Variants in MB21D2 observed in about 807,000 individuals in gnomAD.
MB21D2 encodes Mab-21 domain containing 2, also known as nucleotidyltransferase MB21D2.
A neutral mutation model predicts 33.3 loss-of-function variants in MB21D2; 9 were observed. The observed-to-expected ratio is 0.27, with a 90% CI of 0.16 to 0.47. The LOEUF is 0.47. Ranked by LOEUF, MB21D2 falls within the 20% of genes least tolerant of loss-of-function variation. The pLI, the probability that MB21D2 is intolerant of heterozygous loss-of-function variation, is 0.99. For missense variants in MB21D2, 540 were observed against 624.6 expected, an observed-to-expected ratio of 0.86 and a Z score of 1.44; for synonymous variants, 241 against 236.3, an observed-to-expected ratio of 1.02 and a Z score of -0.18.
At chr3:192,896,685 C>T (rs1159305461) in intron 1 of MB21D2, among the ~76,000 whole-genome samples, 4 of 152,216 alleles carry the variant, frequency 2.6e-5, no homozygotes, top group South Asian at 2.1e-4. Context: ...CCCCTACTGG[C>T]CCAGTATCTT....
At chr3:192,845,715 A>G (rs2108627242) in intron 1 of MB21D2, among the ~76,000 whole-genome samples, 1 of 152,322 alleles carries the variant, frequency 6.6e-6, no homozygotes, top group Non-Finnish European at 1.5e-5. Context: ...CCTCCACCAG[A>G]GGCTCAGAAA....
At chr3:192,823,891 A>G (rs570830421) in intron 1 of MB21D2, among the ~76,000 whole-genome samples, 2 of 152,338 alleles carry the variant, frequency 1.3e-5, no homozygotes, top group East Asian at 3.9e-4. Flanking sequence ...ATGCCAAAAC[A>G]TAGCAGAAAT....
At chr3:192,853,912 T>C (rs1712861906) in intron 1 of MB21D2, among the ~76,000 whole-genome samples, 1 of 152,222 alleles carries the variant, frequency 6.6e-6, no homozygotes, top group South Asian at 2.1e-4. Context: ...GTTACTATTG[T>C]AATTGTCTTG....
chr3:192,878,007 A>G (rs1220692110), intron 1 of MB21D2, among the ~76,000 whole-genome samples: 1 of 150,170 alleles, frequency 6.7e-6, no homozygotes, highest in East Asian at 2.0e-4. Context: ...AAACACTGAG[A>G]GGCAGCAACG....
At chr3:192,869,266 A>AAAGGAAGG (rs1203888925) in intron 1 of MB21D2, among the ~76,000 whole-genome samples, 1 of 116,878 alleles carries the variant, frequency 8.6e-6, no homozygotes, top group Non-Finnish European at 1.7e-5. Context: ...AAAAAAAAAG[A>AAAGGAAGG]AAGGAAGGAA....
chr3:192,904,936 G>C (rs375712248), intron 1 of MB21D2, among the ~76,000 whole-genome samples: 1 of 152,186 alleles, frequency 6.6e-6, no homozygotes, highest in East Asian at 1.9e-4. Flanking sequence ...TTCTCACAAC[G>C]GGGTAATGAG....
At chr3:192,862,310 T>G (rs759583026) in intron 1 of MB21D2, among the ~76,000 whole-genome samples, 3 of 152,226 alleles carry the variant, frequency 2.0e-5, no homozygotes, top group Non-Finnish European at 4.4e-5. Context: ...GAGCACCATC[T>G]TAAAACCTTA....
chr3:192,800,703 C>T (rs937919142), intron 1 of MB21D2, among the ~76,000 whole-genome samples: 1 of 152,184 alleles, frequency 6.6e-6, no homozygotes, highest in African/African-American at 2.4e-5. Context: ...GGAAATCTGT[C>T]TTCAGGAAAA....
chr3:192,804,522 TAA>T (rs1711623450), intron 1 of MB21D2, among the ~76,000 whole-genome samples: 1 of 151,974 alleles, frequency 6.6e-6, no homozygotes, highest in Admixed American at 6.6e-5. Context: ...GTCTTATAAT[TAA>T]AGTTACAAAA....
chr3:192,849,506 C>A (rs1189959387), intron 1 of MB21D2, among the ~76,000 whole-genome samples: 1 of 152,058 alleles, frequency 6.6e-6, no homozygotes. Flanking sequence ...TTAGTAGAGA[C>A]AGGGTTTCAC....
chr3:192,804,028 G>C (rs958695597), intron 1 of MB21D2, among the ~76,000 whole-genome samples: 3 of 152,114 alleles, frequency 2.0e-5, no homozygotes, highest in Non-Finnish European at 2.9e-5. Flanking sequence ...GTAATTCACT[G>C]TTTCTTGGTT....
At chr3:192,840,388 T>TATGACAAAGACTTTTTTCTC (rs1712539599) in intron 1 of MB21D2, among the ~76,000 whole-genome samples, 1 of 150,766 alleles carries the variant, frequency 6.6e-6, no homozygotes, top group South Asian at 2.1e-4. Context: ...TGCTTGGGAG[T>TATGACAAAGACTTTTTTCTC]ATGACAAAGA....
chr3:192,825,289 T>C (rs1712151116), intron 1 of MB21D2, among the ~76,000 whole-genome samples: 1 of 152,146 alleles, frequency 6.6e-6, no homozygotes, highest in Non-Finnish European at 1.5e-5. Context: ...GCTGAATGAA[T>C]GAGTAAATTA....
intron 1 of MB21D2, among the ~76,000 whole-genome samples, chr3:192,888,011 G>A (rs1713770826): frequency 1.3e-5 from 2 of 152,172 alleles, no homozygotes; most frequent in African/African-American, 4.8e-5. Flanking sequence ...TGCAAGGGGA[G>A]AATCTAGCAA....
At chr3:192,901,942 C>A (rs1467926176) in intron 1 of MB21D2, among the ~76,000 whole-genome samples, 4 of 152,200 alleles carry the variant, frequency 2.6e-5, no homozygotes, top group African/African-American at 7.2e-5. Flanking sequence ...CGTAAGGCTG[C>A]CCTAATTTAC....
intron 1 of MB21D2, among the ~76,000 whole-genome samples, chr3:192,816,404 GGT>G (rs1711925500): frequency 6.6e-6 from 1 of 152,108 alleles, no homozygotes; most frequent in Non-Finnish European, 1.5e-5. Flanking sequence ...TCTAACAAGA[GGT>G]GGTTTGAGGA....
chr3:192,810,988 C>T (rs910325157), intron 1 of MB21D2, among the ~76,000 whole-genome samples: 8 of 152,216 alleles, frequency 5.3e-5, no homozygotes, highest in African/African-American at 1.9e-4. Context: ...GACAGGCAGT[C>T]CCCGAGATGT....
intron 1 of MB21D2, among the ~76,000 whole-genome samples, chr3:192,814,644 C>A (rs1200611580): frequency 1.3e-5 from 2 of 151,928 alleles, no homozygotes; most frequent in African/African-American, 4.8e-5. Context: ...GGGCAGATCA[C>A]GAGGTCAGGA....
chr3:192,909,954 A>G (rs1714305201), intron 1 of MB21D2, among the ~76,000 whole-genome samples: 1 of 147,758 alleles, frequency 6.8e-6, no homozygotes, highest in African/African-American at 2.5e-5. Context: ...AAAAAAAAAA[A>G]AAAAAAAAAG....
Sources: allele counts gnomAD v4.1 joint callset (sites outside exome capture counted in the v4.1 genomes callset), GRCh38; gene constraint gnomAD v4.1.1; transcripts MANE v1.5; gene names NCBI Gene and HGNC (gene_info 2026-07-23, HGNC 2026-07-21).